The following DCC variants were observed in gnomAD, a reference collection of about 807,000 sequenced individuals.
DCC encodes netrin receptor DCC.
A neutral mutation model predicts 172.5 loss-of-function variants in DCC; 58 were observed. That is an observed-to-expected ratio of 0.34 (90% CI 0.27 to 0.42). The LOEUF (loss-of-function observed/expected upper bound fraction) is 0.42. Among genes scored for constraint, DCC ranks in the 10% least tolerant of loss-of-function variants. DCC has a pLI of 1.00. For missense variants in DCC, 1,740 were observed against 1,791.0 expected, an observed-to-expected ratio of 0.97 and a Z score of 0.51; for synonymous variants, 709 against 644.5, an observed-to-expected ratio of 1.10 and a Z score of -1.52.
At chr18:53,241,863 T>A (rs200638503) in intron 12 of DCC, among the ~76,000 whole-genome samples, 2 of 152,050 alleles carry the variant, frequency 1.3e-5, no homozygotes, top group East Asian at 3.9e-4. Context: ...ACACATGGAG[T>A]TTTAGCTAGA....
intron 2 of DCC, among the ~76,000 whole-genome samples, chr18:52,796,068 T>TTC (rs1247540884): frequency 6.8e-6 from 1 of 147,738 alleles, no homozygotes; most frequent in Non-Finnish European, 1.5e-5. Context: ...TTACTTTTTT[T>TTC]TTTCTGCTTT....
At chr18:52,675,732 C>T (rs972000955) in intron 1 of DCC, among the ~76,000 whole-genome samples, 1 of 152,202 alleles carries the variant, frequency 6.6e-6, no homozygotes, top group Non-Finnish European at 1.5e-5. Flanking sequence ...TATATACTCA[C>T]AACTTGCATA....
intron 5 of DCC, among the ~76,000 whole-genome samples, chr18:52,936,185 T>C (rs946584762): frequency 6.6e-6 from 1 of 152,076 alleles, no homozygotes; most frequent in Non-Finnish European, 1.5e-5. Context: ...AGATTACTTA[T>C]CTTAGTTATT....
intron 3 of DCC, among the ~76,000 whole-genome samples, chr18:52,922,452 G>T (rs1186870280): frequency 6.6e-6 from 1 of 152,060 alleles, no homozygotes; most frequent in Non-Finnish European, 1.5e-5. Flanking sequence ...GCTATGACCC[G>T]ATTGGGTCTG....
intron 13 of DCC, among the ~76,000 whole-genome samples, chr18:53,305,924 C>T (rs955214401): frequency 1.3e-4 from 20 of 152,182 alleles, no homozygotes; most frequent in African/African-American, 4.1e-4. Context: ...TCTGGATCAT[C>T]GTCTTAATAC....
chr18:53,332,853 A>C (rs953987611), intron 14 of DCC, among the ~76,000 whole-genome samples: 5 of 152,128 alleles, frequency 3.3e-5, no homozygotes, highest in African/African-American at 1.2e-4. Context: ...AAAATAAATT[A>C]AAAATGAATA....
intron 2 of DCC, among the ~76,000 whole-genome samples, chr18:52,815,467 G>GC (rs892100918): frequency 6.7e-6 from 1 of 149,090 alleles, no homozygotes; most frequent in African/African-American, 2.5e-5. Context: ...CCACCCCCCT[G>GC]CCCCCCTGTC....
chr18:52,916,778 A>G (rs908007872), intron 3 of DCC, among the ~76,000 whole-genome samples: 14 of 152,132 alleles, frequency 9.2e-5, no homozygotes, highest in Admixed American at 3.9e-4. Context: ...CCCTTTTCCA[A>G]CTACATGTTT....
At position 53,485,296 on chromosome 18, in the gene DCC, A is replaced by C. The variant is rs200997661; in HGVS notation, c.3737-1501A>C. ...ACACAATAACATGTATTTTTAAAAA[A>C]ATTCTATTAATGTCATCACTCCTCT... is the stretch of plus-strand genomic sequence containing the variant. On this transcript the variant is annotated intron_variant, in intron 25 of 28. Transcript: ENST00000442544. Among the ~76,000 whole-genome samples the C allele has an allele frequency of 3.3e-5, 5 of 152,206 alleles. No homozygotes were observed. The East Asian group carries it at 9.6e-4, about 29-fold the overall frequency.
At chr18:52,749,674 T>C (rs1312327650) in intron 1 of DCC, among the ~76,000 whole-genome samples, 2 of 152,220 alleles carry the variant, frequency 1.3e-5, no homozygotes, top group South Asian at 2.1e-4. Context: ...CATAATCTCC[T>C]TGTTTCAGAC....
intron 1 of DCC, among the ~76,000 whole-genome samples, chr18:52,692,976 G>C (rs1411057087): frequency 6.6e-6 from 1 of 152,222 alleles, no homozygotes; most frequent in East Asian, 1.9e-4. Context: ...TAGAAGCCAG[G>C]AGAGTTTGCC....
chr18:52,427,581 G>T (rs1463840387), intron 1 of DCC, among the ~76,000 whole-genome samples: 1 of 151,954 alleles, frequency 6.6e-6, no homozygotes, highest in Non-Finnish European at 1.5e-5. Flanking sequence ...CCAATCTAAA[G>T]GATCATCTGT....
At chr18:52,372,407 A>C (rs1317588225) in intron 1 of DCC, among the ~76,000 whole-genome samples, 1 of 152,170 alleles carries the variant, frequency 6.6e-6, no homozygotes, top group East Asian at 1.9e-4. Flanking sequence ...CTGTAGGCTA[A>C]ACTGTTCCAC....
chr18:53,240,755 C>A lies in DCC; in HGVS notation c.1911+25158C>A, dbSNP rs1294535748. ...AAGAGGTTGTCATTATCATTTTTAT[C>A]ATTTAATATTTCCATTTTTCTCTGA... On this transcript the variant is annotated intron_variant, in intron 12 of 28. Transcript: ENST00000442544. Among the ~76,000 whole-genome samples the A allele has an allele frequency of 2.0e-5, 3 of 152,122 alleles. No individual in the cohort carries two copies. In the East Asian group the frequency reaches 5.8e-4, roughly 29 times the overall value.
intron 1 of DCC, among the ~76,000 whole-genome samples, chr18:52,704,256 A>G (rs1490663609): frequency 5.3e-5 from 8 of 152,142 alleles, no homozygotes; most frequent in Non-Finnish European, 8.8e-5. Context: ...TTTTACTTTT[A>G]CACGGAACAG....
chr18:52,646,995 T>C (rs949132224), intron 1 of DCC, among the ~76,000 whole-genome samples: 3 of 152,186 alleles, frequency 2.0e-5, no homozygotes, highest in East Asian at 3.9e-4. Context: ...GGGCTTATAA[T>C]GAATAACAAA....
intron 25 of DCC, among the ~76,000 whole-genome samples, chr18:53,468,363 T>TTTA (rs1555675962): frequency 0.1 from 5,501 of 54,520 alleles, 383 homozygotes; most frequent in African/African-American, 0.21. Flanking sequence ...TATTTATTTA[T>TTTA]TTTATTTATT....
rs1344442769 is a variant in DCC, at chr18:53,022,524, A to ATT, written c.986-40776_986-40775dup. 2.9e-3 allele frequency among the ~76,000 whole-genome samples: 397 copies of ATT among 137,710 alleles called. 3 individuals carry two copies. Among genetic ancestry groups the ATT allele is most frequent in the Admixed American group, 8.6e-3 (110 of 12,810 alleles). The allele number at this position is 137,710 out of a possible 152,430, so 90.3% of individuals were successfully genotyped here. Reference sequence around the variant, plus strand: ...AGATACATACATATATATGTTCAGTATTTTTTATATATATATGTGCGTGTG... The same window carrying ATT: ...AGATACATACATATATATGTTCAGTATTTTTTTTATATATATATGTGCGTGTG... On this transcript the variant is annotated intron_variant, in intron 5 of 28. Coordinates refer to ENST00000442544, the MANE Select transcript of DCC (RefSeq NM_005215.4).
intron 1 of DCC, among the ~76,000 whole-genome samples, chr18:52,416,237 A>C (rs1987023891): frequency 6.6e-6 from 1 of 152,164 alleles, no homozygotes; most frequent in South Asian, 2.1e-4. Context: ...GGTCTGAGAG[A>C]CAATTTGTTT....
Sources: gnomAD v4.1 joint callset for allele counts (sites outside exome capture counted in the v4.1 genomes callset) on GRCh38, gnomAD v4.1.1 for gene constraint, MANE v1.5 for transcripts, NCBI Gene and HGNC (gene_info 2026-07-23, HGNC 2026-07-21) for gene names.